Variants in PDE4D observed in about 807,000 individuals in gnomAD.
PDE4D encodes the protein 3',5'-cyclic-AMP phosphodiesterase 4D.
In PDE4D, 24 loss-of-function variants were observed where a neutral mutation model predicts 87.4. The observed-to-expected ratio is 0.27, with a 90% CI of 0.20 to 0.39. PDE4D has a LOEUF of 0.39. Ranked by LOEUF, PDE4D falls within the 10% of genes least tolerant of loss-of-function variation. PDE4D has a pLI of 1.00. For missense variants in PDE4D, 714 were observed against 1,041.0 expected, an observed-to-expected ratio of 0.69 and a Z score of 4.32; for synonymous variants, 384 against 383.2, an observed-to-expected ratio of 1.00 and a Z score of -0.02.
chr5:59,144,884 GT>G (rs1447631650), intron 5 of PDE4D, among the ~76,000 whole-genome samples: 1 of 31,774 alleles, frequency 3.1e-5, no homozygotes, highest in African/African-American at 1.4e-4. Flanking sequence ...CTTTAATAGG[GT>G]TTAATGGGGG....
chr5:59,061,477 G>A (rs1364025394), intron 5 of PDE4D, among the ~76,000 whole-genome samples: 1 of 152,076 alleles, frequency 6.6e-6, no homozygotes, highest in East Asian at 1.9e-4. Flanking sequence ...TAGTAAACTT[G>A]TTATTTGCAC....
Position 59,584,304 on chromosome 5 carries a change from C to A in PDE4D, c.455+308864G>T, listed in dbSNP as rs553329125. ...ATTAATTAGGTCACCTGGAAAAAAA[C>A]CACCACCTTCTTCCTTTGAGTCCAA... On this transcript the variant is annotated intron_variant, in intron 1 of 14. Coordinates refer to ENST00000340635, the MANE Select transcript of PDE4D (RefSeq NM_001104631.2). 3.9e-5 allele frequency among the ~76,000 whole-genome samples: 6 copies of A among 152,318 alleles called. No homozygotes were observed. In the South Asian group the frequency reaches 6.2e-4, roughly 16 times the overall value.
At chr5:60,339,535 T>G (rs1021770165) in intron 1 of PDE4D, among the ~76,000 whole-genome samples, 1 of 152,166 alleles carries the variant, frequency 6.6e-6, no homozygotes, top group African/African-American at 2.4e-5. Flanking sequence ...TCGGACACGG[T>G]TGACTGCAGG....
chr5:59,498,006 T>G (rs73097371), intron 1 of PDE4D, among the ~76,000 whole-genome samples: 1 of 151,478 alleles, frequency 6.6e-6, no homozygotes, highest in Non-Finnish European at 1.5e-5. Context: ...CCAGAAGAGA[T>G]TGGGGGACTA....
At position 60,094,562 on chromosome 5, in the gene PDE4D, G is replaced by C. The variant is rs62370611; in HGVS notation, c.42+90995C>G. Reference sequence around the variant, plus strand: ...AAGTTAAGATGAAATCATTAGGGTAGGCCCTAACCCAATGTGAGTGACATG... The same window carrying C: ...AAGTTAAGATGAAATCATTAGGGTACGCCCTAACCCAATGTGAGTGACATG... On this transcript the variant is annotated intron_variant, in intron 2 of 16. Coordinates refer to the PDE4D transcript ENST00000502484. Among the ~76,000 whole-genome samples, 165 of 148,132 alleles carry C rather than the reference G, an allele frequency of 1.1e-3. 1 individual carries two copies. Among genetic ancestry groups the C allele is most frequent in the Middle Eastern group, 7.0e-3 (2 of 286 alleles).
chr5:59,598,348 G>A (rs901315388), intron 1 of PDE4D, among the ~76,000 whole-genome samples: 2 of 151,998 alleles, frequency 1.3e-5, no homozygotes, highest in African/African-American at 2.4e-5. Context: ...ACAGGGACTG[G>A]AGCAAAAATA....
intron 1 of PDE4D, among the ~76,000 whole-genome samples, chr5:60,479,502 T>C (rs1748568742): frequency 6.6e-6 from 1 of 152,218 alleles, no homozygotes; most frequent in Admixed American, 6.5e-5. Context: ...CTGCAAATAA[T>C]TGAATAGGCA....
At chr5:59,597,220 C>G (rs1455872600) in intron 1 of PDE4D, among the ~76,000 whole-genome samples, 1 of 152,036 alleles carries the variant, frequency 6.6e-6, no homozygotes, top group Non-Finnish European at 1.5e-5. Flanking sequence ...ATTTCCTTCC[C>G]TCCTGAAATA....
Position 59,212,118 on chromosome 5 carries a change from C to T in PDE4D, c.647+3659G>A, listed in dbSNP as rs977475403. Among the ~76,000 whole-genome samples, 8 of 151,976 alleles carry T rather than the reference C, an allele frequency of 5.3e-5. No homozygotes were observed. The East Asian group carries it at 1.4e-3, about 26-fold the overall frequency. ...ATATATAACATCATTCTCTATAAAG[C>T]GCAGTTGAATTATACACATCAGACA... On this transcript the variant is annotated intron_variant, in intron 2 of 14. Transcript: ENST00000340635.
chr5:60,436,532 A>G (rs949347454), intron 1 of PDE4D, among the ~76,000 whole-genome samples: 4 of 152,232 alleles, frequency 2.6e-5, no homozygotes, highest in Admixed American at 2.6e-4. Context: ...ATGTGTTCCA[A>G]GTAGAGTTCA....
chr5:59,504,349 G>C (rs1407966605), intron 1 of PDE4D, among the ~76,000 whole-genome samples: 1 of 152,176 alleles, frequency 6.6e-6, no homozygotes, highest in African/African-American at 2.4e-5. Flanking sequence ...ATTATTTTGA[G>C]TAATTTGAAG....
At chr5:59,161,498 C>A (rs563850104) in intron 5 of PDE4D, among the ~76,000 whole-genome samples, 1 of 152,242 alleles carries the variant, frequency 6.6e-6, no homozygotes, top group South Asian at 2.1e-4. Context: ...GTTTATTAGG[C>A]AGATGAAGCC....
intron 1 of PDE4D, among the ~76,000 whole-genome samples, chr5:59,722,468 A>G (rs1755982803): frequency 6.6e-6 from 1 of 152,138 alleles, no homozygotes; most frequent in South Asian, 2.1e-4. Context: ...ATTGTCACAC[A>G]TTTTCACCCT....
intron 1 of PDE4D, among the ~76,000 whole-genome samples, chr5:60,356,553 T>C (rs1419571316): frequency 6.6e-6 from 1 of 152,198 alleles, no homozygotes; most frequent in Non-Finnish European, 1.5e-5. Flanking sequence ...CTACCTATGA[T>C]TAAAAATGTC....
intron 2 of PDE4D, among the ~76,000 whole-genome samples, chr5:60,102,421 G>A (rs1776317235): frequency 6.6e-6 from 1 of 152,068 alleles, no homozygotes; most frequent in Non-Finnish European, 1.5e-5. Context: ...ACCCACTGCT[G>A]GCAATATGAG....
At chr5:59,491,773 A>G (rs1806242233) in intron 1 of PDE4D, among the ~76,000 whole-genome samples, 1 of 152,224 alleles carries the variant, frequency 6.6e-6, no homozygotes, top group Admixed American at 6.5e-5. Context: ...AATATAATGT[A>G]TAAGATATAG....
chr5:59,584,385 C>T (rs924325138), intron 1 of PDE4D, among the ~76,000 whole-genome samples: 15 of 152,184 alleles, frequency 9.9e-5, no homozygotes, highest in African/African-American at 3.6e-4. Flanking sequence ...TTATACAGAG[C>T]ATTAACATTC....
chr5:59,355,043 C>A (rs756953159), intron 1 of PDE4D, among the ~76,000 whole-genome samples: 12 of 152,190 alleles, frequency 7.9e-5, no homozygotes, highest in Non-Finnish European at 1.8e-4. Context: ...TTTGAGATGT[C>A]ATTCTCACCT....
rs1294419007 is a variant in PDE4D, at chr5:59,015,830, T to C, written c.922-22365A>G. Among the ~76,000 whole-genome samples the C allele has an allele frequency of 2.0e-5, 3 of 152,298 alleles. No individual in the cohort carries two copies. The East Asian group carries it at 5.8e-4, about 29-fold the overall frequency. On this transcript the variant is annotated intron_variant, in intron 6 of 14. Transcript: ENST00000340635. The stretch of plus-strand genomic sequence containing the variant: ...CTATAAAGACACATTCACATGTATG[T>C]TTACTGCAGCACTATTCAGGATAGC...
Sources: allele counts gnomAD v4.1 joint callset (sites outside exome capture counted in the v4.1 genomes callset), GRCh38; gene constraint gnomAD v4.1.1; transcripts MANE v1.5; gene names NCBI Gene and HGNC (gene_info 2026-07-23, HGNC 2026-07-21).